CCDC88A: variants seen among roughly 807,000 people sequenced by gnomAD.
The protein encoded by CCDC88A is girdin.
In CCDC88A, 54 loss-of-function variants were observed where a neutral mutation model predicts 234.3. The ratio of observed to expected loss-of-function variants is 0.23; its 90% confidence interval spans 0.19 to 0.29. The LOEUF is 0.29. Among genes scored for constraint, CCDC88A ranks in the 10% least tolerant of loss-of-function variants. CCDC88A has a pLI of 1.00. For synonymous variants in CCDC88A, 753 were observed against 737.8 expected (o/e 1.02, Z -0.33); for missense variants, 1,832 against 2,123.4 (o/e 0.86, Z 2.70).
At chr2:55,305,429 G>C (rs1447204251) in intron 25 of CCDC88A, among the ~76,000 whole-genome samples, 1 of 152,176 alleles carries the variant, frequency 6.6e-6, no homozygotes, top group Non-Finnish European at 1.5e-5. Context: ...ACTTCCTTCT[G>C]ATTCTTATTC....
At chr2:55,301,819 A>G in intron 27 of CCDC88A, 53 bp downstream of exon 27, 1 of 1,488,636 alleles carries the variant, frequency 6.7e-7, no homozygotes, top group Non-Finnish European at 9.3e-7. Context: ...AGTCAAATTA[A>G]AATTCTTGTT....
At chr2:55,418,525 A>G in intron 2 of CCDC88A, 2 of 363,766 alleles carry the variant, frequency 5.5e-6, no homozygotes, top group Non-Finnish European at 1.0e-5. Flanking sequence ...TATTTTACCA[A>G]ATTATCAAAG....
chr2:55,355,836 G>A (rs1670499340), intron 7 of CCDC88A, 85 bp from the exon 8 acceptor site: 1 of 996,484 alleles, frequency 1.0e-6, no homozygotes, highest in Non-Finnish European at 1.5e-6. Flanking sequence ...TCTAAGAATT[G>A]TACTGCCATA....
At chr2:55,322,855 C>G in intron 17 of CCDC88A, 163 bp from the exon 18 acceptor site, 1 of 425,268 alleles carries the variant, frequency 2.4e-6, no homozygotes, top group Non-Finnish European at 4.1e-6. Context: ...AATGTAAATC[C>G]TTTCCTCCTA....
At chr2:55,386,311 G>C (rs966636225) in intron 3 of CCDC88A, among the ~76,000 whole-genome samples, 9 of 151,118 alleles carry the variant, frequency 6.0e-5, no homozygotes, top group Non-Finnish European at 1.0e-4. Flanking sequence ...ATACTTAAAA[G>C]TATTTCATCC....
At chr2:55,319,101 T>A in intron 18 of CCDC88A, 97 bp from the exon 19 acceptor site, 2 of 966,164 alleles carry the variant, frequency 2.1e-6, no homozygotes, top group South Asian at 5.0e-5. Context: ...GAGTATTTAT[T>A]AGCATTATAA....
intron 2 of CCDC88A, among the ~76,000 whole-genome samples, chr2:55,406,545 A>G (rs1679620426): frequency 6.6e-6 from 1 of 152,000 alleles, no homozygotes; most frequent in Non-Finnish European, 1.5e-5. Context: ...CTTGAGGTGA[A>G]GAGTTTGAGA....
chr2:55,295,580 G>A lies in CCDC88A; in HGVS notation c.5551+17C>T. On this transcript the variant is annotated intron_variant, in intron 31 of 32. Transcript: ENST00000436346. ...TGTCAAGTATATGAGAGGACCACTG[G>A]TGTAAATGGTACTCACTAGATGCTG... 3 of 1,614,036 alleles carry A rather than the reference G, an allele frequency of 1.9e-6. No homozygotes were observed. The highest frequency in any genetic ancestry group is 2.5e-6 in the Non-Finnish European group (3 of 1,179,916).
At chr2:55,395,395 C>T (rs188657854) in intron 2 of CCDC88A, among the ~76,000 whole-genome samples, 5 of 152,314 alleles carry the variant, frequency 3.3e-5, no homozygotes, top group African/African-American at 9.6e-5. Flanking sequence ...CTCTCAGCTC[C>T]ACTCTATGGT....
In CCDC88A at chr2:55,309,302, G is replaced by C. The variant is rs2104596781; in HGVS notation, c.4080-48C>G. The stretch of plus-strand genomic sequence containing the variant: ...TAGGACAGGCATCATATTTTGTACA[G>C]CTATGAATATTAAATTATTTGGTGA... On this transcript the variant is annotated intron_variant, in intron 23 of 32. Transcript: ENST00000436346. This position sits in a 1 kb window ranked among gnomAD's most constrained non-coding sequence, Gnocchi z 5.1. 1.2e-6 allele frequency: 1 copy of C among 822,954 alleles called. No individual in the cohort carries two copies. The highest frequency in any genetic ancestry group is 1.6e-5 in the South Asian group (1 of 63,138). The allele number at this position is 822,954 out of a possible 1,614,324, so 51.0% of individuals were successfully genotyped here.
chr2:55,409,681 C>A (rs1476507424), intron 2 of CCDC88A, among the ~76,000 whole-genome samples: 9 of 151,518 alleles, frequency 5.9e-5, no homozygotes, highest in African/African-American at 2.2e-4. Flanking sequence ...CCTCGGCCCA[C>A]ATGCTTCCAC....
chr2:55,303,391 C>CTT (rs397965492), intron 25 of CCDC88A, among the ~76,000 whole-genome samples: 6,436 of 135,418 alleles, frequency 0.048, 505 homozygotes, highest in African/African-American at 0.15. Flanking sequence ...GGAACATATA[C>CTT]TTTTTTTTTT....
rs191155480 is a variant in CCDC88A at position 55,372,067 on chromosome 2, C to T, written c.402+385G>A. 1.7e-4 allele frequency among the ~76,000 whole-genome samples: 26 copies of T among 151,892 alleles called. No homozygotes were observed. The East Asian group carries it at 4.1e-3, about 24-fold the overall frequency. ...TTTTTTTCTTTTAAATAAATTCTGCCTCCTCCCTTCCCTTCTCTTCTCCCT... is the reference window on the plus strand; with the variant it reads ...TTTTTTTCTTTTAAATAAATTCTGCTTCCTCCCTTCCCTTCTCTTCTCCCT... On this transcript the variant is annotated intron_variant, in intron 5 of 32. Coordinates refer to ENST00000436346, the MANE Select transcript of CCDC88A (RefSeq NM_001365480.1).
rs1598160 is a variant in CCDC88A, at chr2:55,416,431, A to T, written c.164+2385T>A. Among the ~76,000 whole-genome samples, 366 of 45,510 alleles carry T rather than the reference A, an allele frequency of 8.0e-3. 19 individuals are homozygous for T. Among genetic ancestry groups the T allele is most frequent in the Middle Eastern group, 0.015 (1 of 68 alleles). The allele number at this position is 45,510 out of a possible 152,430, so 29.9% of individuals were successfully genotyped here. On this transcript the variant is annotated intron_variant, in intron 2 of 32. Transcript: ENST00000436346. ...TCCAAAAGGGTGAAGAGGTCAAATA[A>T]ATAAATAAATAAATATATATATATA...
chr2:55,310,204 A>C (rs953433337), intron 23 of CCDC88A, among the ~76,000 whole-genome samples: 1 of 152,222 alleles, frequency 6.6e-6, no homozygotes, highest in Admixed American at 6.5e-5. Context: ...GGAAATCAGA[A>C]GTATTGAAAG....
intron 25 of CCDC88A, among the ~76,000 whole-genome samples, chr2:55,304,698 T>C (rs10192755): frequency 0.023 from 3,444 of 152,256 alleles, 142 homozygotes; most frequent in African/African-American, 0.078. Context: ...CACTAAAATA[T>C]AGGAGTCATT....
At position 55,335,230 on chromosome 2, in the gene CCDC88A, CA is replaced by C; in HGVS notation, c.1657-67del. On this transcript the variant is annotated intron_variant, in intron 14 of 32. Transcript: ENST00000436346. The surrounding 1 kb of genome is among the most constrained non-coding windows in gnomAD (Gnocchi z 4.5). ...AAAACTAACTATGGTTTATCTCTTC[CA>C]AAAACTACCAAGAAAAGGGGAACAA... 1.0e-6 allele frequency: 1 copy of C among 995,038 alleles called. No individual in the cohort carries two copies. The highest frequency in any genetic ancestry group is 1.4e-6 in the Non-Finnish European group (1 of 705,134). The allele number at this position is 995,038 out of a possible 1,614,324, so 61.6% of individuals were successfully genotyped here.
intron 29 of CCDC88A, among the ~76,000 whole-genome samples, chr2:55,298,084 T>G (rs1202308515): frequency 6.6e-6 from 1 of 152,188 alleles, no homozygotes; most frequent in Non-Finnish European, 1.5e-5. Context: ...GAAAATTTGC[T>G]AGTTCTAGAA....
At chr2:55,297,797 C>G (rs942102284) in intron 29 of CCDC88A, among the ~76,000 whole-genome samples, 8 of 152,046 alleles carry the variant, frequency 5.3e-5, no homozygotes, top group Non-Finnish European at 8.8e-5. Context: ...ATTTGCTTAT[C>G]TAAGAAGTCC....
Sources: allele counts gnomAD v4.1 joint callset (sites outside exome capture counted in the v4.1 genomes callset), GRCh38; gene constraint gnomAD v4.1.1; non-coding constraint Gnocchi (gnomAD v3.1); transcripts MANE v1.5; gene names NCBI Gene and HGNC (gene_info 2026-07-23, HGNC 2026-07-21).